Variants in SLC4A10 observed in about 807,000 individuals in gnomAD.
SLC4A10 encodes the protein solute carrier family 4 member 10, also known as sodium-driven chloride bicarbonate exchanger.
In SLC4A10, 42 loss-of-function variants were observed where a neutral mutation model predicts 137.7. That is an observed-to-expected ratio of 0.30 (90% CI 0.24 to 0.39). The LOEUF is 0.39. Among genes scored for constraint, SLC4A10 ranks in the 10% least tolerant of loss-of-function variants. SLC4A10 has a pLI of 1.00. For synonymous variants in SLC4A10, 474 were observed against 464.1 expected (o/e 1.02, Z -0.27); for missense variants, 925 against 1,355.0 (o/e 0.68, Z 4.98).
intron 2 of SLC4A10, among the ~76,000 whole-genome samples, chr2:161,797,456 ATTGT>A (rs2054892713): frequency 6.6e-6 from 1 of 151,734 alleles, no homozygotes; most frequent in South Asian, 2.1e-4. Context: ...ACAGGTTGGT[ATTGT>A]TTAATGCTTT....
intron 10 of SLC4A10, among the ~76,000 whole-genome samples, chr2:161,892,306 C>G (rs892518165): frequency 6.6e-6 from 1 of 151,872 alleles, no homozygotes; most frequent in Non-Finnish European, 1.5e-5. Context: ...TTGCTAAACT[C>G]TCATTGAGGA....
chr2:161,899,480 A>G (rs966663090), intron 11 of SLC4A10, among the ~76,000 whole-genome samples: 7 of 152,096 alleles, frequency 4.6e-5, no homozygotes, highest in Non-Finnish European at 8.8e-5. Context: ...CACCATGCTA[A>G]GTCCCATGGT....
intron 4 of SLC4A10, among the ~76,000 whole-genome samples, chr2:161,840,722 C>T (rs891143435): frequency 1.3e-5 from 2 of 152,204 alleles, no homozygotes; most frequent in East Asian, 1.9e-4. Context: ...GCACAAGAAA[C>T]TGTGGGCACA....
At chr2:161,666,730 C>T (rs1467615110) in intron 1 of SLC4A10, among the ~76,000 whole-genome samples, 2 of 151,628 alleles carry the variant, frequency 1.3e-5, no homozygotes, top group Non-Finnish European at 3.0e-5. Flanking sequence ...TATATACTTA[C>T]TGGAACATAC....
At chr2:161,913,473 C>T (rs1686353805) in intron 15 of SLC4A10, among the ~76,000 whole-genome samples, 4 of 152,080 alleles carry the variant, frequency 2.6e-5, no homozygotes, top group Admixed American at 2.6e-4. Flanking sequence ...AAATTGTGAA[C>T]CTTTGCTCTT....
chr2:161,886,687 A>C (rs1164593969), intron 10 of SLC4A10, among the ~76,000 whole-genome samples: 1 of 152,040 alleles, frequency 6.6e-6, no homozygotes, highest in Non-Finnish European at 1.5e-5. Flanking sequence ...AATTGAAAGA[A>C]TTTATTTTTT....
chr2:161,923,793 G>A (rs751348581), intron 15 of SLC4A10, among the ~76,000 whole-genome samples: 2 of 151,638 alleles, frequency 1.3e-5, no homozygotes, highest in Non-Finnish European at 2.9e-5. Context: ...CCTGCACATT[G>A]TGCACATGTA....
chr2:161,862,088 C>G (rs2060466394), intron 5 of SLC4A10, among the ~76,000 whole-genome samples: 1 of 152,150 alleles, frequency 6.6e-6, no homozygotes, highest in African/African-American at 2.4e-5. Context: ...CACTAAGAAA[C>G]TTAAAATACC....
rs1441077328 is a variant in SLC4A10 at position 161,658,189 on chromosome 2, G to A, written c.48+33623G>A. On this transcript the variant is annotated intron_variant, in intron 1 of 26. Transcript: ENST00000446997. ...TCCTGCAAAGCTCTATTTTATGAGT[G>A]CATTGAAATTTTGCATTAGAAAACT... 8.5e-5 allele frequency among the ~76,000 whole-genome samples: 13 copies of A among 152,250 alleles called. No individual in the cohort carries two copies. In the East Asian group the frequency reaches 2.5e-3, roughly 29 times the overall value.
At chr2:161,708,267 G>A (rs192195800) in intron 1 of SLC4A10, among the ~76,000 whole-genome samples, 90 of 151,552 alleles carry the variant, frequency 5.9e-4, no homozygotes, top group African/African-American at 1.8e-3. Context: ...GTATAATTTT[G>A]CTTGGTAAGT....
At position 161,900,940 on chromosome 2, in the gene SLC4A10, T is replaced by G; in HGVS notation, c.1371T>G (p.Asn457Lys). The G allele has an allele frequency of 6.4e-7, 1 of 1,563,842 alleles. No homozygotes were observed. The highest frequency in any genetic ancestry group is 8.7e-7 in the Non-Finnish European group (1 of 1,153,688). The part of the protein sequence containing the change: ...QEKRKIPAVP[N>K]GTAAHGEAEP... Reference sequence around the variant, plus strand: ...AGAGGAAGATTCCTGCTGTACCAAATGGAACAGCAGCTCATGGGGAAGCAG... The same window carrying G: ...AGAGGAAGATTCCTGCTGTACCAAAGGGAACAGCAGCTCATGGGGAAGCAG... The change falls in exon 12 of 27, where the codon AAT becomes AAG. Residue 457 changes from asparagine to lysine, a missense_variant. Physicochemically the swap from Asn to Lys is moderately conservative, Grantham distance 94. Around this residue, in one of 11 missense-constraint regions of SLC4A10, gnomAD observed 61 missense variants for 59.0 expected, o/e 1.03. Coordinates refer to ENST00000446997, the MANE Select transcript of SLC4A10 (RefSeq NM_001178015.2).
intron 1 of SLC4A10, among the ~76,000 whole-genome samples, chr2:161,764,761 T>C (rs1364607563): frequency 1.3e-5 from 2 of 152,124 alleles, no homozygotes; most frequent in East Asian, 3.9e-4. Context: ...TGCTCTTCCA[T>C]GAGGAAATGC....
intron 1 of SLC4A10, among the ~76,000 whole-genome samples, chr2:161,648,170 C>T (rs980583134): frequency 1.3e-5 from 2 of 150,050 alleles, no homozygotes; most frequent in African/African-American, 4.9e-5. Context: ...AACACTAGAA[C>T]TCAGATGTCT....
chr2:161,931,927 T>C (rs528794182), intron 15 of SLC4A10, among the ~76,000 whole-genome samples: 4 of 152,348 alleles, frequency 2.6e-5, no homozygotes, highest in African/African-American at 7.2e-5. Flanking sequence ...TACACACACA[T>C]GCATTTCATG....
intron 1 of SLC4A10, among the ~76,000 whole-genome samples, chr2:161,735,900 T>G (rs2047290581): frequency 6.6e-6 from 1 of 152,220 alleles, no homozygotes; most frequent in Non-Finnish European, 1.5e-5. Context: ...AGTAGTTTCA[T>G]GACTTTAAAA....
At chr2:161,780,305 A>C (rs1367027705) in intron 2 of SLC4A10, among the ~76,000 whole-genome samples, 1 of 152,054 alleles carries the variant, frequency 6.6e-6, no homozygotes, top group Non-Finnish European at 1.5e-5. Context: ...ACAAGAAGAC[A>C]ACAGTCATAA....
chr2:161,866,418 G>A (rs566439641), intron 6 of SLC4A10, among the ~76,000 whole-genome samples: 26 of 151,440 alleles, frequency 1.7e-4, no homozygotes, highest in South Asian at 4.2e-4. Context: ...TTTTTTCTTC[G>A]TATTCCGCAT....
intron 1 of SLC4A10, among the ~76,000 whole-genome samples, chr2:161,681,575 T>C (rs1326918923): frequency 6.6e-6 from 1 of 152,152 alleles, no homozygotes; most frequent in African/African-American, 2.4e-5. Flanking sequence ...TATTACTATA[T>C]TCACTGAACA....
In SLC4A10 at chr2:161,852,421, GT is replaced by G. The variant is rs574370302; in HGVS notation, c.417-2547del. ...AATTTAATTAGAAGATTTAATAAAA[GT>G]TGTATCCACTCCCCTGATGCCACTT... On this transcript the variant is annotated intron_variant, in intron 4 of 26. Coordinates refer to ENST00000446997, the MANE Select transcript of SLC4A10 (RefSeq NM_001178015.2). 6.1e-3 allele frequency among the ~76,000 whole-genome samples: 931 copies of G among 152,240 alleles called. 6 individuals carry two copies. The highest frequency in any genetic ancestry group is 0.027 in the Middle Eastern group (8 of 294).
Sources: allele counts gnomAD v4.1 joint callset (sites outside exome capture counted in the v4.1 genomes callset), GRCh38; gene constraint gnomAD v4.1.1; regional missense constraint gnomAD v4.1.1; transcripts MANE v1.5; gene names NCBI Gene and HGNC (gene_info 2026-07-23, HGNC 2026-07-21).